The following SGCZ variants were observed in gnomAD, a reference collection of about 807,000 sequenced individuals.
SGCZ encodes zeta-sarcoglycan.
In SGCZ, 40 loss-of-function variants were observed where a neutral mutation model predicts 41.3. That is an observed-to-expected ratio of 0.97 (90% CI 0.75 to 1.26). The LOEUF (loss-of-function observed/expected upper bound fraction) is 1.26, where lower values mean the gene tolerates loss of function less well. Ranked by LOEUF, SGCZ falls within the 50% of genes most tolerant of loss-of-function variation. The probability of loss-of-function intolerance (pLI) is 0.00; values close to 1 mark genes in which losing one functional copy is unlikely to be tolerated. For synonymous variants in SGCZ, 206 were observed against 137.5 expected, an observed-to-expected ratio of 1.50 and a Z score of -3.49; for missense variants, 552 against 369.8, an observed-to-expected ratio of 1.49 and a Z score of -4.04.
At chr8:14,611,538 G>T (rs899935057) in intron 1 of SGCZ, among the ~76,000 whole-genome samples, 5 of 152,062 alleles carry the variant, frequency 3.3e-5, no homozygotes, top group Non-Finnish European at 5.9e-5. Flanking sequence ...ATGAATTAAT[G>T]AAGAGTCCTC....
At chr8:15,042,648 A>G (rs946102045) in intron 1 of SGCZ, among the ~76,000 whole-genome samples, 7 of 152,300 alleles carry the variant, frequency 4.6e-5, no homozygotes, top group South Asian at 2.1e-4. Context: ...TTGAAAGACT[A>G]TACATTCTGC....
At chr8:14,413,443 T>C (rs1461147692) in intron 2 of SGCZ, among the ~76,000 whole-genome samples, 1 of 152,008 alleles carries the variant, frequency 6.6e-6, no homozygotes, top group Non-Finnish European at 1.5e-5. Context: ...GAAAGAGTTC[T>C]TTCCTCTTTT....
intron 1 of SGCZ, among the ~76,000 whole-genome samples, chr8:14,900,172 C>T (rs916965081): frequency 3.9e-5 from 6 of 151,922 alleles, no homozygotes; most frequent in Admixed American, 6.6e-5. Context: ...CAGACAAGGG[C>T]GGTTTGCTAC....
intron 2 of SGCZ, among the ~76,000 whole-genome samples, chr8:14,428,101 T>TACACACAC (rs200114899): frequency 8.0e-6 from 1 of 124,428 alleles, no homozygotes; most frequent in East Asian, 2.4e-4. Context: ...TGGTTGTATA[T>TACACACAC]ACACACACAC....
chr8:14,261,483 T>C (rs753738545), intron 3 of SGCZ, among the ~76,000 whole-genome samples: 1 of 152,138 alleles, frequency 6.6e-6, no homozygotes, highest in Non-Finnish European at 1.5e-5. Flanking sequence ...CTTCTGAAGC[T>C]CTACAATGAG....
intron 1 of SGCZ, among the ~76,000 whole-genome samples, chr8:14,838,280 T>C (rs542612649): frequency 2.6e-5 from 4 of 152,212 alleles, no homozygotes; most frequent in South Asian, 4.1e-4. Context: ...TAGTTGACAA[T>C]AATGTATATT....
intron 1 of SGCZ, among the ~76,000 whole-genome samples, chr8:14,736,382 TTGC>T (rs1308623990): frequency 3.0e-4 from 46 of 152,204 alleles, no homozygotes; most frequent in African/African-American, 1.1e-3. Flanking sequence ...TCGTTAGTTG[TTGC>T]ATTCTACATT....
intron 1 of SGCZ, among the ~76,000 whole-genome samples, chr8:15,071,429 A>C (rs372913135): frequency 2.2e-4 from 34 of 152,320 alleles, no homozygotes; most frequent in African/African-American, 7.2e-4. Context: ...CAAGTCTTCA[A>C]TTTATTATGC....
At chr8:14,243,469 A>G (rs1157459917) in intron 3 of SGCZ, among the ~76,000 whole-genome samples, 1 of 152,208 alleles carries the variant, frequency 6.6e-6, no homozygotes, top group Non-Finnish European at 1.5e-5. Flanking sequence ...CTTTTAAAAC[A>G]TATTGGCATA....
At chr8:14,911,292 C>T (rs757953767) in intron 1 of SGCZ, among the ~76,000 whole-genome samples, 3 of 152,012 alleles carry the variant, frequency 2.0e-5, no homozygotes, top group Non-Finnish European at 4.4e-5. Context: ...TAAATCCCAA[C>T]AAAATCAGCG....
chr8:14,417,234 T>A lies in SGCZ; in HGVS notation c.235-93030A>T, dbSNP rs142697094. 3.9e-5 allele frequency among the ~76,000 whole-genome samples: 6 copies of A among 152,042 alleles called. No homozygotes were observed. The East Asian group carries it at 9.7e-4, about 24-fold the overall frequency. On this transcript the variant is annotated intron_variant, in intron 2 of 7. Transcript: ENST00000382080. ...CCTAAGCGATCTTCAACTCAGTTCGTAGTGCAATAGGCAAGTATAGTCCAA... is the reference window on the plus strand; with the variant it reads ...CCTAAGCGATCTTCAACTCAGTTCGAAGTGCAATAGGCAAGTATAGTCCAA...
At chr8:14,582,749 A>G (rs1182384187) in intron 1 of SGCZ, among the ~76,000 whole-genome samples, 1 of 146,892 alleles carries the variant, frequency 6.8e-6, no homozygotes, top group Non-Finnish European at 1.5e-5. Flanking sequence ...ATGAGTGAGA[A>G]CATGTGGTGT....
intron 1 of SGCZ, among the ~76,000 whole-genome samples, chr8:14,960,337 G>A (rs1800924339): frequency 6.6e-6 from 1 of 151,836 alleles, no homozygotes; most frequent in Non-Finnish European, 1.5e-5. Flanking sequence ...AGACACCATG[G>A]AATACAAGTG....
At chr8:14,898,175 C>G (rs143531006) in intron 1 of SGCZ, among the ~76,000 whole-genome samples, 2 of 152,104 alleles carry the variant, frequency 1.3e-5, no homozygotes, top group Non-Finnish European at 2.9e-5. Context: ...GTCTCAAACT[C>G]CTGTACTCAA....
chr8:14,685,808 G>C (rs568809614), intron 1 of SGCZ, among the ~76,000 whole-genome samples: 1 of 151,892 alleles, frequency 6.6e-6, no homozygotes, highest in Non-Finnish European at 1.5e-5. Context: ...AAAAAACCTC[G>C]ACAAGTTAAC....
At chr8:15,169,445 T>C (rs1799765220) in intron 1 of SGCZ, among the ~76,000 whole-genome samples, 2 of 152,292 alleles carry the variant, frequency 1.3e-5, no homozygotes, top group Middle Eastern at 3.4e-3. Context: ...CGAGAGTCAC[T>C]GTTTTCCCCT....
At chr8:14,658,718 A>T (rs1427945209) in intron 1 of SGCZ, among the ~76,000 whole-genome samples, 1 of 152,266 alleles carries the variant, frequency 6.6e-6, no homozygotes, top group African/African-American at 2.4e-5. Flanking sequence ...GTATTAATAT[A>T]CTAATAATTT....
chr8:15,168,705 A>G (rs779633613), intron 1 of SGCZ, among the ~76,000 whole-genome samples: 1 of 152,136 alleles, frequency 6.6e-6, no homozygotes, highest in Non-Finnish European at 1.5e-5. Context: ...ATGCATCCTG[A>G]ACCCCTGGGA....
At position 15,113,214 on chromosome 8, in the gene SGCZ, A is replaced by C. The variant is rs1024508044; in HGVS notation, c.39+124371T>G. Among the ~76,000 whole-genome samples, 48 of 152,098 alleles carry C rather than the reference A, an allele frequency of 3.2e-4. No individual in the cohort carries two copies. The South Asian group carries it at 8.5e-3, about 27-fold the overall frequency. On this transcript the variant is annotated intron_variant, in intron 1 of 7. Transcript: ENST00000382080. ...AGAGAGCGAGACCTGGCTCAAAAAA[A>C]AAAAAAAACAAAAAGAAAACCAAGA...
Sources: allele counts gnomAD v4.1 joint callset (sites outside exome capture counted in the v4.1 genomes callset), GRCh38; gene constraint gnomAD v4.1.1; transcripts MANE v1.5; gene names NCBI Gene and HGNC (gene_info 2026-07-23, HGNC 2026-07-21).